The following NDC1 variants were observed in gnomAD, a reference collection of about 807,000 sequenced individuals.
NDC1 encodes the protein NDC1 transmembrane nucleoporin.
A neutral mutation model predicts 89.8 loss-of-function variants in NDC1; 24 were observed. The observed-to-expected ratio is 0.27, with a 90% confidence interval of 0.19 to 0.38. The LOEUF is 0.38. Among genes scored for constraint, NDC1 ranks in the 10% least tolerant of loss-of-function variants. NDC1 has a pLI of 1.00. For missense variants in NDC1, 728 were observed against 797.6 expected, an observed-to-expected ratio of 0.91 and a Z score of 1.05; for synonymous variants, 296 against 284.8, an observed-to-expected ratio of 1.04 and a Z score of -0.39.
chr1:53,779,251 T>A (rs1332562424), intron 16 of NDC1, among the ~76,000 whole-genome samples: 1 of 152,156 alleles, frequency 6.6e-6, no homozygotes, highest in Non-Finnish European at 1.5e-5. Flanking sequence ...TAATCTCATT[T>A]ACTCTTCATA....
At chr1:53,798,809 C>T (rs1647815888) in intron 11 of NDC1, among the ~76,000 whole-genome samples, 1 of 152,188 alleles carries the variant, frequency 6.6e-6, no homozygotes, top group African/African-American at 2.4e-5. Context: ...CCTGCTTCGG[C>T]CTCCCAAAGT....
At chr1:53,823,994 C>T (rs1265072559) in intron 5 of NDC1, among the ~76,000 whole-genome samples, 1 of 151,656 alleles carries the variant, frequency 6.6e-6, no homozygotes, top group African/African-American at 2.4e-5. Flanking sequence ...GTGGCTCATG[C>T]CTGTATTCTG....
At chr1:53,820,781 GCTCA>G (rs1481038965) in intron 5 of NDC1, among the ~76,000 whole-genome samples, 1 of 134,030 alleles carries the variant, frequency 7.5e-6, no homozygotes, top group Non-Finnish European at 1.5e-5. Flanking sequence ...TGCCATCTCA[GCTCA>G]CTGCTACCTC....
intron 14 of NDC1, 48 bp from the exon 15 acceptor site, chr1:53,789,244 C>A (rs750676104): frequency 1.6e-6 from 2 of 1,221,820 alleles, no homozygotes; most frequent in Non-Finnish European, 2.4e-6. Flanking sequence ...TGAGCAAAAA[C>A]TCCATTATTT....
chr1:53,774,492 AT>A (rs1400187982), intron 16 of NDC1, among the ~76,000 whole-genome samples: 1 of 152,232 alleles, frequency 6.6e-6, no homozygotes. Context: ...AATCATCATC[AT>A]TAATGCCTGG....
Position 53,806,440 on chromosome 1 carries a change from A to G in NDC1, c.969T>C (p.Pro323=). The change falls in exon 9 of 18, where the codon CCT becomes CCC. Residue 323 remains proline, a synonymous_variant. Transcript: ENST00000371429. ...GTTTGGATACCTTTATGATGGGGGGAGGATTGCTATTTAACACTTTTGGAA... is the reference window on the plus strand; with the variant it reads ...GTTTGGATACCTTTATGATGGGGGGGGGATTGCTATTTAACACTTTTGGAA... ...ECLPKVLNSN[P]PPIIKYLALQ... The G allele has an allele frequency of 6.5e-7, 1 of 1,539,104 alleles. No homozygotes were observed. Among genetic ancestry groups the G allele is most frequent in the African/African-American group, 1.4e-5 (1 of 70,544 alleles).
intron 1 of NDC1, among the ~76,000 whole-genome samples, chr1:53,836,501 T>C (rs1449455230): frequency 6.6e-6 from 1 of 151,866 alleles, no homozygotes; most frequent in Non-Finnish European, 1.5e-5. Context: ...CCACATTCTT[T>C]TTGATGTTGT....
intron 17 of NDC1, among the ~76,000 whole-genome samples, chr1:53,769,845 A>G (rs996046970): frequency 6.6e-6 from 1 of 152,222 alleles, no homozygotes; most frequent in African/African-American, 2.4e-5. Context: ...GTTAGGGGAA[A>G]CACCACAGTC....
intron 11 of NDC1, among the ~76,000 whole-genome samples, chr1:53,800,222 T>C (rs552795149): frequency 4.3e-4 from 66 of 152,162 alleles, no homozygotes; most frequent in Non-Finnish European, 7.8e-4. Context: ...TCTACAATGA[T>C]ACCCACGTCA....
At chr1:53,808,445 C>T (rs1302640454) in intron 7 of NDC1, among the ~76,000 whole-genome samples, 1 of 152,212 alleles carries the variant, frequency 6.6e-6, no homozygotes, top group African/African-American at 2.4e-5. Flanking sequence ...TTTCCTCATC[C>T]ATATAAGAGT....
intron 10 of NDC1, among the ~76,000 whole-genome samples, chr1:53,801,404 G>T (rs1300074793): frequency 6.6e-6 from 1 of 152,162 alleles, no homozygotes; most frequent in Non-Finnish European, 1.5e-5. Flanking sequence ...TACACTCAGA[G>T]AGCTTACAGA....
intron 6 of NDC1, among the ~76,000 whole-genome samples, chr1:53,811,877 G>A (rs1648319125): frequency 6.6e-6 from 1 of 152,046 alleles, no homozygotes; most frequent in African/African-American, 2.4e-5. Flanking sequence ...CACCTCCACT[G>A]GAACACGCAC....
rs570080833 is a variant in NDC1 at position 53,770,554 on chromosome 1, G to A, written c.1961+1775C>T. On this transcript the variant is annotated intron_variant, in intron 17 of 17. Transcript: ENST00000371429. ...ACTCCTGACCTCAGATGATCCGCCC[G>A]CCTTGGCCTCCCAAAGTGCTGGGAT... Among the ~76,000 whole-genome samples, 12 of 151,912 alleles carry A rather than the reference G, an allele frequency of 7.9e-5. No individual in the cohort carries two copies. The South Asian group carries it at 2.5e-3, about 32-fold the overall frequency.
At chr1:53,788,309 A>G (rs747483304) in intron 15 of NDC1, among the ~76,000 whole-genome samples, 10 of 152,086 alleles carry the variant, frequency 6.6e-5, no homozygotes, top group Non-Finnish European at 1.5e-4. Flanking sequence ...ACAAACAAAC[A>G]AAAAGACTAA....
chr1:53,786,057 T>G (rs928663419), intron 16 of NDC1, among the ~76,000 whole-genome samples: 5 of 152,100 alleles, frequency 3.3e-5, no homozygotes, highest in Admixed American at 6.6e-5. Context: ...CCCGAGTAGG[T>G]GGGACTACAG....
chr1:53,797,190 C>G, intron 11 of NDC1, 46 bp from the exon 12 acceptor site: 1 of 1,584,724 alleles, frequency 6.3e-7, no homozygotes, highest in Non-Finnish European at 8.6e-7. Flanking sequence ...CTGATCCAAG[C>G]AGGCTAGCAG....
intron 16 of NDC1, among the ~76,000 whole-genome samples, chr1:53,774,300 C>T (rs941979995): frequency 6.6e-6 from 1 of 152,122 alleles, no homozygotes; most frequent in Non-Finnish European, 1.5e-5. Flanking sequence ...TTATCTCAAG[C>T]ATGTTCCAGT....
chr1:53,837,850 C>T (rs1169679593), intron 1 of NDC1, among the ~76,000 whole-genome samples: 2 of 152,332 alleles, frequency 1.3e-5, no homozygotes, highest in South Asian at 2.1e-4. Context: ...TTTCCAATTC[C>T]GTGCATTCCT....
chr1:53,788,729 C>G (rs1647390397), intron 15 of NDC1, among the ~76,000 whole-genome samples: 1 of 151,764 alleles, frequency 6.6e-6, no homozygotes, highest in African/African-American at 2.4e-5. Flanking sequence ...AACTGGCCCA[C>G]AAAAAAGTTT....
Sources: gnomAD v4.1 joint callset for allele counts (sites outside exome capture counted in the v4.1 genomes callset) on GRCh38, gnomAD v4.1.1 for gene constraint, MANE v1.5 for transcripts, NCBI Gene and HGNC (gene_info 2026-07-23, HGNC 2026-07-21) for gene names.